The following RABGAP1L variants were observed in gnomAD, a reference collection of about 807,000 sequenced individuals.
RABGAP1L encodes rab GTPase-activating protein 1-like.
Under a neutral mutation model 137.7 loss-of-function variants are expected in RABGAP1L, and 63 were observed. The ratio of observed to expected loss-of-function variants is 0.46; its 90% CI spans 0.37 to 0.56. RABGAP1L has a LOEUF of 0.56. Ranked by LOEUF, RABGAP1L falls within the 20% of genes least tolerant of loss-of-function variation. RABGAP1L has a pLI of 0.00. For synonymous variants in RABGAP1L, 431 were observed against 433.7 expected, an observed-to-expected ratio of 0.99 and a Z score of 0.08; for missense variants, 1,095 against 1,244.0, an observed-to-expected ratio of 0.88 and a Z score of 1.80.
intron 13 of RABGAP1L, among the ~76,000 whole-genome samples, chr1:174,489,224 C>A (rs1439424586): frequency 4.0e-5 from 6 of 151,894 alleles, no homozygotes; most frequent in South Asian, 2.1e-4. Flanking sequence ...AAGAAGCTAC[C>A]ATCAGAGTGA....
At chr1:174,454,551 A>ATTTTT (rs202016873) in intron 13 of RABGAP1L, among the ~76,000 whole-genome samples, 45 of 132,830 alleles carry the variant, frequency 3.4e-4, no homozygotes, top group African/African-American at 1.2e-3. Context: ...TCACTGTAGG[A>ATTTTT]TTTTTTTTTT....
chr1:174,435,659 T>A (rs1345699454), intron 13 of RABGAP1L, among the ~76,000 whole-genome samples: 1 of 152,130 alleles, frequency 6.6e-6, no homozygotes, highest in African/African-American at 2.4e-5. Context: ...AACTCTTTTT[T>A]TTATTATTAT....
chr1:174,494,261 C>T (rs1660546253), intron 13 of RABGAP1L, among the ~76,000 whole-genome samples: 1 of 151,988 alleles, frequency 6.6e-6, no homozygotes, highest in South Asian at 2.1e-4. Context: ...TCTGTTTTTC[C>T]CTTGGGACAA....
rs201258106 is a variant in RABGAP1L at position 174,742,213 on chromosome 1, A to AAAG, written c.2170-10088_2170-10086dup. Reference sequence around the variant, plus strand: ...GAGGAGGGGGAGGGGGAGGAGGAGGAAAGAAGAAGAAGAAAGAAAAGGGGG... The same window carrying AAAG: ...GAGGAGGGGGAGGGGGAGGAGGAGGAAAGAAGAAGAAGAAGAAAGAAAAGGGGG... On this transcript the variant is annotated intron_variant, in intron 17 of 25. Transcript: ENST00000681986. 4.7e-3 allele frequency among the ~76,000 whole-genome samples: 683 copies of AAAG among 146,020 alleles called. 12 individuals carry two copies. Among genetic ancestry groups the AAAG allele is most frequent in the African/African-American group, 0.017 (650 of 39,088 alleles).
In RABGAP1L at chr1:174,194,583, T is replaced by TAG. The variant is rs1667438691; in HGVS notation, c.-33-24538_-33-24537dup. Among the ~76,000 whole-genome samples, 3 of 152,280 alleles carry TAG rather than the reference T, an allele frequency of 2.0e-5. No homozygotes were observed. The South Asian group carries it at 6.2e-4, about 32-fold the overall frequency. On this transcript the variant is annotated intron_variant, in intron 1 of 25. Coordinates refer to ENST00000681986, the MANE Select transcript of RABGAP1L (RefSeq NM_001366446.1). ...GGACTGTCAGTAGGATTTTAAATCT[T>TAG]AGAGACCAGTTCTGAGAAAGTGACC...
intron 20 of RABGAP1L, among the ~76,000 whole-genome samples, chr1:174,968,523 G>C (rs1210731938): frequency 7.1e-6 from 1 of 141,558 alleles, no homozygotes; most frequent in African/African-American, 2.6e-5. Flanking sequence ...CTTTCTTTTT[G>C]TTTGTTTGTT....
intron 13 of RABGAP1L, among the ~76,000 whole-genome samples, chr1:174,569,307 C>A (rs1212474686): frequency 3.3e-5 from 5 of 152,164 alleles, no homozygotes; most frequent in African/African-American, 1.2e-4. Flanking sequence ...CTTGTACCAT[C>A]TGACCTTCTT....
chr1:174,811,945 G>C lies in RABGAP1L; in HGVS notation c.2325G>C (p.Gln775His), dbSNP rs199639499. The C allele has an allele frequency of 1.0e-4, 160 of 1,597,946 alleles. 1 individual carries two copies. The highest frequency in any genetic ancestry group is 8.4e-5 in the Non-Finnish European group (99 of 1,172,736). The change falls in exon 19 of 26, where the codon CAG becomes CAC. Residue 775 changes from glutamine (Q) to histidine (H), a missense_variant. Coordinates refer to ENST00000681986, the MANE Select transcript of RABGAP1L (RefSeq NM_001366446.1). Reference protein sequence around the residue: ...AEENARRLMEQACNIKVPTKK... With the variant: ...AEENARRLMEHACNIKVPTKK... ...AAAATGCAAGAAGACTGATGGAGCA[G>C]GCTTGCAATATTAAAGTAAGAACAT...
chr1:174,243,347 A>AT (rs1212899250), intron 5 of RABGAP1L, among the ~76,000 whole-genome samples: 2 of 151,960 alleles, frequency 1.3e-5, no homozygotes, highest in African/African-American at 2.4e-5. Context: ...TATAGAGCAT[A>AT]TTTTTTCCAT....
At chr1:174,304,195 T>TATTAA in intron 10 of RABGAP1L, among the ~76,000 whole-genome samples, 1 of 152,154 alleles carries the variant, frequency 6.6e-6, no homozygotes, top group Non-Finnish European at 1.5e-5. Context: ...AAGGTCTTTC[T>TATTAA]TCTTTAGTCT....
At chr1:174,271,948 G>A (rs937119645) in intron 7 of RABGAP1L, among the ~76,000 whole-genome samples, 3 of 151,828 alleles carry the variant, frequency 2.0e-5, no homozygotes, top group South Asian at 2.1e-4. Context: ...GAGGGCCAGG[G>A]TAACAACAGT....
intron 1 of RABGAP1L, among the ~76,000 whole-genome samples, chr1:174,214,268 A>C (rs139453177): frequency 6.6e-6 from 1 of 152,118 alleles, no homozygotes; most frequent in African/African-American, 2.4e-5. Flanking sequence ...TAAAATACCT[A>C]GGAATAAACC....
chr1:174,616,831 A>G (rs564020896), intron 13 of RABGAP1L, among the ~76,000 whole-genome samples: 2 of 152,356 alleles, frequency 1.3e-5, no homozygotes, highest in East Asian at 3.9e-4. Flanking sequence ...GCTGGTGGCT[A>G]CATAGACACT....
intron 1 of RABGAP1L, among the ~76,000 whole-genome samples, chr1:174,173,120 A>G (rs1411388494): frequency 2.6e-5 from 4 of 151,708 alleles, no homozygotes; most frequent in Non-Finnish European, 5.9e-5. Context: ...TTTCCCCTCC[A>G]AGTTAAAAAG....
intron 13 of RABGAP1L, among the ~76,000 whole-genome samples, chr1:174,532,642 G>A (rs1572198419): frequency 6.6e-6 from 1 of 152,160 alleles, no homozygotes; most frequent in East Asian, 1.9e-4. Flanking sequence ...ATGAACTGTG[G>A]AGGAAACTGA....
At chr1:174,494,078 A>G (rs1660523012) in intron 13 of RABGAP1L, among the ~76,000 whole-genome samples, 1 of 152,164 alleles carries the variant, frequency 6.6e-6, no homozygotes, top group Non-Finnish European at 1.5e-5. Context: ...TATTTAGAAC[A>G]TCGTGTATAG....
intron 13 of RABGAP1L, among the ~76,000 whole-genome samples, chr1:174,590,123 C>CTTTTTTTTTTTTTTTTTTTTTTTTT (rs1166364912): frequency 1.7e-5 from 1 of 59,780 alleles, no homozygotes; most frequent in Non-Finnish European, 3.2e-5. Flanking sequence ...TCTTCAGTTT[C>CTTTTTTTTTTTTTTTTTTTTTTTTT]TTTTTTTTTT....
intron 18 of RABGAP1L, among the ~76,000 whole-genome samples, chr1:174,799,144 G>A (rs1257049521): frequency 2.0e-5 from 3 of 152,184 alleles, no homozygotes; most frequent in Non-Finnish European, 2.9e-5. Context: ...TTCTTTAAAT[G>A]TATACTCTTA....
intron 23 of RABGAP1L, among the ~76,000 whole-genome samples, chr1:174,981,006 G>A (rs994047809): frequency 6.6e-6 from 1 of 151,624 alleles, no homozygotes; most frequent in African/African-American, 2.4e-5. Context: ...ACCAATACAA[G>A]GAACATTAAA....
Sources: gnomAD v4.1 joint callset for allele counts (sites outside exome capture counted in the v4.1 genomes callset) on GRCh38, gnomAD v4.1.1 for gene constraint, MANE v1.5 for transcripts, NCBI Gene and HGNC (gene_info 2026-07-23, HGNC 2026-07-21) for gene names.